KLF12: variants seen among roughly 807,000 people sequenced by gnomAD.
The protein encoded by KLF12 is Krueppel-like factor 12.
In KLF12, 9 loss-of-function variants were observed where a neutral mutation model predicts 37.8. The ratio of observed to expected loss-of-function variants is 0.24; its 90% CI spans 0.14 to 0.42. The LOEUF (loss-of-function observed/expected upper bound fraction) is 0.42. KLF12 is among the 10% of genes least tolerant of loss of function. The pLI, the probability that KLF12 is intolerant of heterozygous loss-of-function variation, is 1.00. For synonymous variants in KLF12, 208 were observed against 202.1 expected (o/e 1.03, Z -0.25); for missense variants, 411 against 516.0 (o/e 0.80, Z 1.97).
chr13:73,816,861 C>T (rs865991598), intron 4 of KLF12, among the ~76,000 whole-genome samples: 1 of 152,170 alleles, frequency 6.6e-6, no homozygotes, highest in Non-Finnish European at 1.5e-5. Context: ...GGCGGCCAAT[C>T]CCACTGTGAG....
chr13:74,248,553 A>G, the KLF12 span, among the ~76,000 whole-genome samples: 3 of 152,168 alleles, frequency 2.0e-5, no homozygotes, highest in Non-Finnish European at 4.4e-5. Flanking sequence ...TATATACTAG[A>G]TTTCACCTTG....
Position 73,688,242 on chromosome 13 carries a change from T to G in KLF12, c.*7248A>C, listed in dbSNP as rs2137506343. 1 of 152,794 alleles carries G rather than the reference T, an allele frequency of 6.5e-6. No individual in the cohort carries two copies. Among genetic ancestry groups the G allele is most frequent in the Non-Finnish European group, 1.5e-5 (1 of 68,038 alleles). The allele number at this position is 152,794 out of a possible 1,614,324, so 9.5% of individuals were successfully genotyped here. A position where few individuals can be genotyped will look rare whatever the true frequency, so the allele number is the denominator to read the frequency against. On this transcript the variant is annotated 3_prime_UTR_variant, in exon 8 of 8. Transcript: ENST00000377669. ...TGGGAGGAATTTCATTTCTCTGATG[T>G]TGGACAGCTTCTTACATAAAATTCA...
the KLF12 span, among the ~76,000 whole-genome samples, chr13:74,157,071 C>G: frequency 6.6e-6 from 1 of 152,086 alleles, no homozygotes; most frequent in African/African-American, 2.4e-5. Context: ...TACCGCTTTC[C>G]TTTTGCATTT....
intron 1 of KLF12, among the ~76,000 whole-genome samples, chr13:74,039,801 C>A (rs149159264): frequency 1.3e-5 from 2 of 152,230 alleles, no homozygotes; most frequent in Admixed American, 6.5e-5. Flanking sequence ...TTCAAGATGA[C>A]AGACACAAAA....
At chr13:73,905,532 G>T (rs548795931) in intron 3 of KLF12, among the ~76,000 whole-genome samples, 2 of 151,606 alleles carry the variant, frequency 1.3e-5, no homozygotes, top group East Asian at 1.9e-4. Flanking sequence ...GTTAATTTAC[G>T]TTTTAAAAAA....
the KLF12 span, among the ~76,000 whole-genome samples, chr13:74,232,378 A>G: frequency 6.6e-6 from 1 of 152,172 alleles, no homozygotes; most frequent in African/African-American, 2.4e-5. Context: ...ACTCTCTTGT[A>G]TGTCCATTTG....
chr13:73,962,245 C>T (rs529716542), intron 2 of KLF12, among the ~76,000 whole-genome samples: 1 of 152,238 alleles, frequency 6.6e-6, no homozygotes, highest in African/African-American at 2.4e-5. Flanking sequence ...AGGTAATATC[C>T]TATATGATTT....
the KLF12 span, among the ~76,000 whole-genome samples, chr13:74,178,085 AGTT>A: frequency 6.6e-6 from 1 of 152,324 alleles, no homozygotes; most frequent in South Asian, 2.1e-4. Context: ...CCAAGGAGTC[AGTT>A]CCTTTTAGTT....
intron 3 of KLF12, among the ~76,000 whole-genome samples, chr13:73,904,532 C>G (rs1888189472): frequency 7.1e-6 from 1 of 141,664 alleles, no homozygotes; most frequent in African/African-American, 2.6e-5. Flanking sequence ...AGCAGCTCAC[C>G]ATAAAATTTG....
At chr13:74,266,861 C>T in the KLF12 span, among the ~76,000 whole-genome samples, 1 of 152,086 alleles carries the variant, frequency 6.6e-6, no homozygotes, top group Non-Finnish European at 1.5e-5. Context: ...ACCAGTGGAC[C>T]AGTGGGTAAT....
intron 1 of KLF12, among the ~76,000 whole-genome samples, chr13:74,099,524 C>T (rs778400757): frequency 3.3e-5 from 5 of 152,170 alleles, no homozygotes; most frequent in Non-Finnish European, 5.9e-5. Flanking sequence ...GATTCTGCAA[C>T]TCTCAGGGCC....
At chr13:74,221,807 G>T in the KLF12 span, among the ~76,000 whole-genome samples, 9 of 152,170 alleles carry the variant, frequency 5.9e-5, no homozygotes, top group Admixed American at 5.2e-4. Flanking sequence ...GTTTGGGTTT[G>T]TTGTTTTAGG....
chr13:74,173,105 A>G, the KLF12 span, among the ~76,000 whole-genome samples: 1 of 152,238 alleles, frequency 6.6e-6, no homozygotes, highest in East Asian at 1.9e-4. Flanking sequence ...ATAAAAATAG[A>G]ATAAATGCTT....
chr13:73,899,211 A>C (rs549658666), intron 3 of KLF12, among the ~76,000 whole-genome samples: 1 of 152,300 alleles, frequency 6.6e-6, no homozygotes, highest in Non-Finnish European at 1.5e-5. Context: ...AGGTGGAATA[A>C]AAGCAAGCAT....
chr13:74,049,058 T>C (rs1893618701), intron 1 of KLF12, among the ~76,000 whole-genome samples: 1 of 152,132 alleles, frequency 6.6e-6, no homozygotes, highest in African/African-American at 2.4e-5. Flanking sequence ...TGATTGACAG[T>C]CCACTTGAGA....
intron 3 of KLF12, among the ~76,000 whole-genome samples, chr13:73,920,926 G>C (rs1889084448): frequency 6.6e-6 from 1 of 151,968 alleles, no homozygotes; most frequent in Non-Finnish European, 1.5e-5. Flanking sequence ...GGCTTTCTTT[G>C]AGGTTCCCTT....
At chr13:73,765,207 C>T (rs3764133) in intron 5 of KLF12, among the ~76,000 whole-genome samples, 25,886 of 152,024 alleles carry the variant, frequency 0.17, 2,734 homozygotes, top group East Asian at 0.45. Context: ...ACTCTCAAGA[C>T]AACAGGTCTG....
chr13:73,954,004 A>AGT (rs1890742962), intron 2 of KLF12, among the ~76,000 whole-genome samples: 1 of 117,954 alleles, frequency 8.5e-6, no homozygotes, highest in Non-Finnish European at 1.6e-5. Flanking sequence ...TTTGAGACGG[A>AGT]GTCTCACTCT....
At chr13:74,196,568 C>G in the KLF12 span, among the ~76,000 whole-genome samples, 1 of 152,126 alleles carries the variant, frequency 6.6e-6, no homozygotes, top group East Asian at 1.9e-4. Flanking sequence ...GTAGAGTCAT[C>G]TGAGGATGGT....
Sources: gnomAD v4.1 joint callset for allele counts (sites outside exome capture counted in the v4.1 genomes callset) on GRCh38, gnomAD v4.1.1 for gene constraint, MANE v1.5 for transcripts, NCBI Gene and HGNC (gene_info 2026-07-23, HGNC 2026-07-21) for gene names.